Variants in ZNF804A observed in about 807,000 individuals in gnomAD.
The protein encoded by ZNF804A is zinc finger protein 804A.
ZNF804A carries 2 observed loss-of-function variants against 16.5 expected under a neutral mutation model. The ratio of observed to expected loss-of-function variants is 0.12; its 90% CI spans 0.05 to 0.38. The LOEUF (loss-of-function observed/expected upper bound fraction) is 0.38, where lower values mean the gene tolerates loss of function less well. Among genes scored for constraint, ZNF804A ranks in the 10% least tolerant of loss-of-function variants. The pLI is 0.99. For synonymous variants in ZNF804A, 534 were observed against 489.6 expected, an observed-to-expected ratio of 1.09 and a Z score of -1.20; for missense variants, 1,473 against 1,390.7, an observed-to-expected ratio of 1.06 and a Z score of -0.94.
At chr2:184,871,851 A>G (rs1695981506) in intron 2 of ZNF804A, among the ~76,000 whole-genome samples, 1 of 152,064 alleles carries the variant, frequency 6.6e-6, no homozygotes, top group Non-Finnish European at 1.5e-5. Context: ...GATCTTTATC[A>G]AGAATTACTC....
At chr2:184,860,720 G>T (rs1039099105) in intron 1 of ZNF804A, among the ~76,000 whole-genome samples, 1 of 152,256 alleles carries the variant, frequency 6.6e-6, no homozygotes, top group African/African-American at 2.4e-5. Flanking sequence ...ACAGGCAGTG[G>T]CATGGCAATG....
At chr2:184,745,872 T>A (rs1238087875) in intron 1 of ZNF804A, among the ~76,000 whole-genome samples, 1 of 151,618 alleles carries the variant, frequency 6.6e-6, no homozygotes, top group Non-Finnish European at 1.5e-5. Flanking sequence ...AAGAATGTAA[T>A]CAATGTATAC....
intron 1 of ZNF804A, among the ~76,000 whole-genome samples, chr2:184,796,598 T>G (rs1320323840): frequency 6.6e-6 from 1 of 151,952 alleles, no homozygotes; most frequent in Non-Finnish European, 1.5e-5. Context: ...CTTTTGTATC[T>G]TTTTGTTGTT....
chr2:184,827,194 A>C (rs899159197), intron 1 of ZNF804A, among the ~76,000 whole-genome samples: 2 of 151,524 alleles, frequency 1.3e-5, no homozygotes, highest in East Asian at 3.9e-4. Context: ...TAAACTATGG[A>C]CAATTAGTTG....
At chr2:184,822,201 C>A (rs919676057) in intron 1 of ZNF804A, among the ~76,000 whole-genome samples, 9 of 151,928 alleles carry the variant, frequency 5.9e-5, no homozygotes, top group African/African-American at 2.2e-4. Context: ...GGAAAATGTA[C>A]ATATACACCA....
At position 184,760,591 on chromosome 2, in the gene ZNF804A, T is replaced by C. The variant is rs545728575; in HGVS notation, c.112-105778T>C. On this transcript the variant is annotated intron_variant, in intron 1 of 3. Coordinates refer to ENST00000302277, the MANE Select transcript of ZNF804A (RefSeq NM_194250.2). ...GGCCAAACATATGGTAGCATATCTT[T>C]CATATTTCACCATGACAAAGGTAAC... Among the ~76,000 whole-genome samples the C allele has an allele frequency of 4.6e-5, 7 of 152,226 alleles. No homozygotes were observed. The South Asian group carries it at 1.4e-3, about 32-fold the overall frequency.
chr2:184,777,797 C>G lies in ZNF804A; in HGVS notation c.112-88572C>G, dbSNP rs1469332986. Among the ~76,000 whole-genome samples the G allele has an allele frequency of 1.1e-4, 16 of 151,522 alleles. No individual in the cohort carries two copies. In the Admixed American group the frequency reaches 1.1e-3, roughly 10 times the overall value. ...GTTTGTCCTTTAGAGTTTCCCATAG[C>G]CTTTTTATCTATTCTTTTTCCTTCC... On this transcript the variant is annotated intron_variant, in intron 1 of 3. Coordinates refer to ENST00000302277, the MANE Select transcript of ZNF804A (RefSeq NM_194250.2).
intron 1 of ZNF804A, among the ~76,000 whole-genome samples, chr2:184,707,243 G>A (rs1334617496): frequency 1.3e-5 from 2 of 152,108 alleles, no homozygotes; most frequent in African/African-American, 4.8e-5. Context: ...GGTAATTTTG[G>A]AGGGAGTGTG....
chr2:184,910,554 GTT>G (rs776959439), intron 2 of ZNF804A, among the ~76,000 whole-genome samples: 42 of 152,064 alleles, frequency 2.8e-4, no homozygotes, highest in Non-Finnish European at 4.1e-4. Flanking sequence ...TTGCCAAACT[GTT>G]TTCCACAGTA....
intron 1 of ZNF804A, among the ~76,000 whole-genome samples, chr2:184,769,589 A>G (rs1201635405): frequency 6.6e-6 from 1 of 152,096 alleles, no homozygotes; most frequent in African/African-American, 2.4e-5. Flanking sequence ...TAGTGTCTAC[A>G]AAGTTGCAAA....
chr2:184,802,133 C>A (rs1168803811), intron 1 of ZNF804A, among the ~76,000 whole-genome samples: 1 of 152,094 alleles, frequency 6.6e-6, no homozygotes, highest in African/African-American at 2.4e-5. Context: ...GAAAGGGTAC[C>A]TTTCAGAATC....
chr2:184,822,911 C>A (rs966651924), intron 1 of ZNF804A, among the ~76,000 whole-genome samples: 1 of 151,648 alleles, frequency 6.6e-6, no homozygotes, highest in Non-Finnish European at 1.5e-5. Context: ...ATTTTTTTGT[C>A]CATATGTGTA....
At chr2:184,878,072 A>G (rs1684736803) in intron 2 of ZNF804A, among the ~76,000 whole-genome samples, 1 of 152,092 alleles carries the variant, frequency 6.6e-6, no homozygotes, top group Admixed American at 6.6e-5. Flanking sequence ...GCCAATATCA[A>G]TCTCAATTTG....
intron 2 of ZNF804A, among the ~76,000 whole-genome samples, chr2:184,917,548 A>G (rs780129220): frequency 2.6e-4 from 40 of 152,100 alleles, no homozygotes; most frequent in Non-Finnish European, 5.6e-4. Flanking sequence ...AGTATAGTAC[A>G]ATCAGATATT....
At chr2:184,609,505 C>T (rs1000893125) in intron 1 of ZNF804A, among the ~76,000 whole-genome samples, 4 of 152,168 alleles carry the variant, frequency 2.6e-5, no homozygotes, top group African/African-American at 9.7e-5. Context: ...GCTTCCATAA[C>T]AAATTAATAT....
At chr2:184,670,367 T>C (rs1692322811) in intron 1 of ZNF804A, among the ~76,000 whole-genome samples, 1 of 152,072 alleles carries the variant, frequency 6.6e-6, no homozygotes, top group African/African-American at 2.4e-5. Context: ...AGCTTCCCCA[T>C]TATGCCCTTT....
chr2:184,831,576 C>A (rs1177429645), intron 1 of ZNF804A, among the ~76,000 whole-genome samples: 1 of 151,844 alleles, frequency 6.6e-6, no homozygotes, highest in East Asian at 1.9e-4. Flanking sequence ...AATCTCAGGC[C>A]CCAGCCCATG....
At position 184,768,284 on chromosome 2, in the gene ZNF804A, C is replaced by T. The variant is rs774636162; in HGVS notation, c.112-98085C>T. 2.1e-4 allele frequency among the ~76,000 whole-genome samples: 32 copies of T among 152,038 alleles called. No individual in the cohort carries two copies. The South Asian group carries it at 6.6e-3, about 32-fold the overall frequency. The stretch of plus-strand genomic sequence containing the variant: ...CCATTTTATATAAGGGACTTAGCAT[C>T]CTTGAATTTTGGTATCTGCAGGGGT... On this transcript the variant is annotated intron_variant, in intron 1 of 3. Transcript: ENST00000302277.
chr2:184,801,727 A>T (rs1694730456), intron 1 of ZNF804A, among the ~76,000 whole-genome samples: 2 of 152,236 alleles, frequency 1.3e-5, no homozygotes, highest in African/African-American at 4.8e-5. Context: ...TTAACAACGT[A>T]ACAGCTATTT....
Sources: allele counts gnomAD v4.1 joint callset (sites outside exome capture counted in the v4.1 genomes callset), GRCh38; gene constraint gnomAD v4.1.1; transcripts MANE v1.5; gene names NCBI Gene and HGNC (gene_info 2026-07-23, HGNC 2026-07-21).